The following ZMAT4 variants were observed in gnomAD, a reference collection of about 807,000 sequenced individuals.
The protein encoded by ZMAT4 is zinc finger matrin-type protein 4.
ZMAT4 carries 17 observed loss-of-function variants against 28.7 expected under a neutral mutation model. The observed-to-expected ratio is 0.59, with a 90% CI of 0.41 to 0.89. The LOEUF (loss-of-function observed/expected upper bound fraction) is 0.89, where lower values mean the gene tolerates loss of function less well. ZMAT4 is among the 40% of genes least tolerant of loss of function. ZMAT4 has a pLI of 0.00. For missense variants in ZMAT4, 240 were observed against 283.8 expected (o/e 0.85, Z 1.11); for synonymous variants, 117 against 109.2 (o/e 1.07, Z -0.44).
chr8:40,734,100 AT>A, intron 3 of ZMAT4, among the ~76,000 whole-genome samples: 1 of 152,326 alleles, frequency 6.6e-6, no homozygotes, highest in South Asian at 2.1e-4. Flanking sequence ...AAGATGAACA[AT>A]GCTTAACAGA....
chr8:40,662,932 C>CT (rs999706154), intron 5 of ZMAT4, among the ~76,000 whole-genome samples: 20 of 152,150 alleles, frequency 1.3e-4, no homozygotes, highest in African/African-American at 4.6e-4. Context: ...CCTTGGTCTC[C>CT]TCCAGGCCCT....
At chr8:40,872,102 C>T (rs1359040288) in intron 1 of ZMAT4, among the ~76,000 whole-genome samples, 1 of 152,144 alleles carries the variant, frequency 6.6e-6, no homozygotes, top group African/African-American at 2.4e-5. Flanking sequence ...GTGGGGAGCA[C>T]CTTCCAGGAC....
chr8:40,735,420 G>A (rs189627735), intron 3 of ZMAT4, among the ~76,000 whole-genome samples: 1 of 152,186 alleles, frequency 6.6e-6, no homozygotes, highest in Non-Finnish European at 1.5e-5. Context: ...TATAAAAAGA[G>A]CACTATTCAG....
At chr8:40,808,488 A>G (rs1815180185) in intron 2 of ZMAT4, 2 of 449,508 alleles carry the variant, frequency 4.4e-6, no homozygotes, top group Non-Finnish European at 4.5e-6. Flanking sequence ...ACAATGCAGT[A>G]GTATAAAGCT....
chr8:40,755,983 C>T (rs1283548126), intron 3 of ZMAT4, among the ~76,000 whole-genome samples: 1 of 152,126 alleles, frequency 6.6e-6, no homozygotes, highest in Non-Finnish European at 1.5e-5. Context: ...CAGGTGGGAA[C>T]AGCAGGCCTG....
chr8:40,891,575 T>G (rs1171658301), intron 1 of ZMAT4, among the ~76,000 whole-genome samples: 3 of 152,108 alleles, frequency 2.0e-5, no homozygotes, highest in Non-Finnish European at 4.4e-5. Flanking sequence ...CTGAGGCTTC[T>G]CCACGCCTTG....
chr8:40,539,236 C>T (rs1408838919), intron 6 of ZMAT4, among the ~76,000 whole-genome samples: 1 of 152,162 alleles, frequency 6.6e-6, no homozygotes, highest in Non-Finnish European at 1.5e-5. Flanking sequence ...CATTAAAGGC[C>T]TGACACACAT....
In ZMAT4 at chr8:40,541,311, T is replaced by C. The variant is rs192909190; in HGVS notation, c.675-9073A>G. Among the ~76,000 whole-genome samples, 284 of 152,160 alleles carry C rather than the reference T, an allele frequency of 1.9e-3. 3 individuals carry two copies. Among genetic ancestry groups the C allele is most frequent in the African/African-American group, 6.4e-3 (266 of 41,512 alleles). Reference sequence around the variant, plus strand: ...CCAAGAGTAGCCCTGGTTTTACCTGTTCAAGGGCAAGCAAAGGATCATGGG... The same window carrying C: ...CCAAGAGTAGCCCTGGTTTTACCTGCTCAAGGGCAAGCAAAGGATCATGGG... On this transcript the variant is annotated intron_variant, in intron 6 of 6. Transcript: ENST00000297737.
At position 40,865,975 on chromosome 8, in the gene ZMAT4, T is replaced by G. The variant is rs147910369; in HGVS notation, c.-5+31708A>C. Among the ~76,000 whole-genome samples the G allele has an allele frequency of 8.5e-4, 130 of 152,176 alleles. 1 individual carries two copies. The East Asian group carries it at 0.025, about 29-fold the overall frequency. ...TTCGACAAAGCCTCGGCCCCAGGAG[T>G]GCCCTCTGTGTGCCAAGTGCCAAAC... is the stretch of plus-strand genomic sequence containing the variant. On this transcript the variant is annotated intron_variant, in intron 1 of 6. Transcript: ENST00000297737.
At chr8:40,726,241 A>G (rs1811313681) in intron 3 of ZMAT4, among the ~76,000 whole-genome samples, 1 of 152,242 alleles carries the variant, frequency 6.6e-6, no homozygotes, top group South Asian at 2.1e-4. Context: ...TATTTGGTCA[A>G]AGATATTTTG....
chr8:40,546,230 C>T (rs537717604), intron 6 of ZMAT4, among the ~76,000 whole-genome samples: 3 of 151,980 alleles, frequency 2.0e-5, no homozygotes, highest in African/African-American at 7.2e-5. Flanking sequence ...AAATTTGACT[C>T]CCTCCTGTGT....
At chr8:40,795,173 G>A (rs12335184) in intron 2 of ZMAT4, among the ~76,000 whole-genome samples, 85,107 of 151,904 alleles carry the variant, frequency 0.56, 24,042 homozygotes, top group East Asian at 0.66. Context: ...TACCTTGAAA[G>A]CCCTAACCTT....
chr8:40,656,134 G>T (rs1351321857), intron 5 of ZMAT4, among the ~76,000 whole-genome samples: 1 of 151,984 alleles, frequency 6.6e-6, no homozygotes, highest in Admixed American at 6.6e-5. Flanking sequence ...TGAAGACCAA[G>T]TAAAGGATAT....
chr8:40,805,295 G>C (rs1390358889), intron 2 of ZMAT4, among the ~76,000 whole-genome samples: 2 of 146,576 alleles, frequency 1.4e-5, no homozygotes, highest in Admixed American at 6.8e-5. Context: ...AACAACAGGT[G>C]CTGGAGAGGA....
chr8:40,786,572 A>G, intron 2 of ZMAT4: 1 of 688,596 alleles, frequency 1.5e-6, no homozygotes. Context: ...TTGCTACCAA[A>G]ACAAAGAACA....
intron 5 of ZMAT4, among the ~76,000 whole-genome samples, chr8:40,657,175 A>G (rs1028719075): frequency 6.6e-6 from 1 of 152,162 alleles, no homozygotes; most frequent in African/African-American, 2.4e-5. Flanking sequence ...GGTATGTCTC[A>G]GTTTCTTAAA....
At chr8:40,770,935 A>T (rs1253946346) in intron 2 of ZMAT4, among the ~76,000 whole-genome samples, 1 of 152,158 alleles carries the variant, frequency 6.6e-6, no homozygotes, top group Non-Finnish European at 1.5e-5. Context: ...TGGCACAGTA[A>T]TCTCACTCCT....
At chr8:40,695,928 T>C (rs767969871) in intron 4 of ZMAT4, among the ~76,000 whole-genome samples, 4 of 152,106 alleles carry the variant, frequency 2.6e-5, no homozygotes, top group Admixed American at 6.5e-5. Flanking sequence ...AGAGAACAAA[T>C]GGACTGGTTA....
At chr8:40,650,297 C>T (rs1401075204) in intron 5 of ZMAT4, among the ~76,000 whole-genome samples, 5 of 151,780 alleles carry the variant, frequency 3.3e-5, no homozygotes, top group Admixed American at 2.0e-4. Context: ...ACTACAAACA[C>T]GTCTATGCAA....
Sources: gnomAD v4.1 joint callset for allele counts (sites outside exome capture counted in the v4.1 genomes callset) on GRCh38, gnomAD v4.1.1 for gene constraint, MANE v1.5 for transcripts, NCBI Gene and HGNC (gene_info 2026-07-23, HGNC 2026-07-21) for gene names.